The following CEP112 variants were observed in gnomAD, a reference collection of about 807,000 sequenced individuals.
CEP112 encodes centrosomal protein 112, also known as centrosomal protein of 112 kDa.
Under a neutral mutation model 153.0 loss-of-function variants are expected in CEP112, and 127 were observed. The ratio of observed to expected loss-of-function variants is 0.83; its 90% CI spans 0.72 to 0.96. CEP112 has a LOEUF of 0.96. CEP112 is among the 40% of genes least tolerant of loss of function. The pLI, the probability that CEP112 is intolerant of heterozygous loss-of-function variation, is 0.00. For synonymous variants in CEP112, 358 were observed against 374.4 expected (o/e 0.96, Z 0.51); for missense variants, 1,089 against 1,101.2 (o/e 0.99, Z 0.16).
rs182447651 is a variant in CEP112 at position 65,807,135 on chromosome 17, T to C, written c.2394+44669A>G. On this transcript the variant is annotated intron_variant, in intron 21 of 26. Coordinates refer to ENST00000535342, the MANE Select transcript of CEP112 (RefSeq NM_001199165.4). The stretch of plus-strand genomic sequence containing the variant: ...TGGGAAGTGGAGTAAAAGTCATTCT[T>C]GCTATGCTTTAGCAAAGAGACAGGC... Among the ~76,000 whole-genome samples the C allele has an allele frequency of 8.9e-4, 136 of 152,300 alleles. 1 individual carries two copies. Among genetic ancestry groups the C allele is most frequent in the African/African-American group, 3.2e-3 (134 of 41,580 alleles).
At chr17:65,928,720 C>T (rs1320510547) in intron 18 of CEP112, among the ~76,000 whole-genome samples, 2 of 151,934 alleles carry the variant, frequency 1.3e-5, no homozygotes, top group Admixed American at 1.3e-4. Flanking sequence ...AAAAATTAGC[C>T]GAGCGTGGTG....
chr17:65,647,649 T>A (rs1265931973), intron 24 of CEP112, among the ~76,000 whole-genome samples: 1 of 151,542 alleles, frequency 6.6e-6, no homozygotes, highest in Admixed American at 6.6e-5. Flanking sequence ...GCTAATTTTT[T>A]TTTTTTTTTT....
At chr17:66,043,072 T>C (rs199536673) in intron 12 of CEP112, 2 of 980,962 alleles carry the variant, frequency 2.0e-6, no homozygotes, top group African/African-American at 3.5e-5. Flanking sequence ...TTGGCACTCT[T>C]TAAGGTAAAG....
intron 6 of CEP112, among the ~76,000 whole-genome samples, chr17:66,127,039 C>T (rs930856889): frequency 1.3e-4 from 19 of 151,976 alleles, no homozygotes; most frequent in African/African-American, 4.1e-4. Flanking sequence ...CTGATTAATG[C>T]CTATATGGTA....
chr17:65,677,597 C>A (rs776377368), intron 24 of CEP112, among the ~76,000 whole-genome samples: 1 of 152,124 alleles, frequency 6.6e-6, no homozygotes, highest in Non-Finnish European at 1.5e-5. Context: ...TTTAAACTGA[C>A]GTACATCTGG....
intron 20 of CEP112, among the ~76,000 whole-genome samples, chr17:65,888,252 A>G (rs553359473): frequency 6.6e-6 from 1 of 152,308 alleles, no homozygotes; most frequent in East Asian, 1.9e-4. Flanking sequence ...TCCCTTTGCT[A>G]TGAAGACTCC....
chr17:65,694,747 G>A (rs1166482787), intron 23 of CEP112, among the ~76,000 whole-genome samples: 1 of 152,152 alleles, frequency 6.6e-6, no homozygotes, highest in African/African-American at 2.4e-5. Context: ...TAAGGACTAT[G>A]TGAAAATGAC....
intron 4 of CEP112, among the ~76,000 whole-genome samples, chr17:66,140,073 T>A (rs1072788): frequency 6.6e-6 from 1 of 152,080 alleles, no homozygotes; most frequent in Non-Finnish European, 1.5e-5. Context: ...AAAAGAATCA[T>A]ACACCATAAT....
chr17:65,740,146 C>T (rs1015107898), intron 23 of CEP112, among the ~76,000 whole-genome samples: 2 of 152,078 alleles, frequency 1.3e-5, no homozygotes, highest in African/African-American at 2.4e-5. Flanking sequence ...TGAAAAATAT[C>T]ATGTGAACAT....
intron 20 of CEP112, among the ~76,000 whole-genome samples, chr17:65,900,495 A>G (rs909148656): frequency 4.6e-5 from 7 of 152,134 alleles, no homozygotes; most frequent in Non-Finnish European, 7.4e-5. Flanking sequence ...CGCACCCTAT[A>G]TGGCAGACAC....
At chr17:65,747,072 A>AC (rs768745232) in intron 22 of CEP112, among the ~76,000 whole-genome samples, 1 of 150,860 alleles carries the variant, frequency 6.6e-6, no homozygotes, top group African/African-American at 2.5e-5. Flanking sequence ...TAAAAAAAAA[A>AC]CAAAAACAGG....
At chr17:65,946,752 T>C (rs1330899489) in intron 18 of CEP112, among the ~76,000 whole-genome samples, 1 of 152,174 alleles carries the variant, frequency 6.6e-6, no homozygotes, top group Non-Finnish European at 1.5e-5. Flanking sequence ...ATTTTGATTT[T>C]TATAATTATG....
intron 12 of CEP112, among the ~76,000 whole-genome samples, chr17:66,048,884 C>T (rs142863099): frequency 9.9e-5 from 15 of 152,280 alleles, no homozygotes; most frequent in African/African-American, 3.6e-4. Flanking sequence ...ATTGGGATTA[C>T]AGGGGAGAGC....
chr17:66,021,003 T>C (rs2064978988), intron 16 of CEP112, among the ~76,000 whole-genome samples: 1 of 152,062 alleles, frequency 6.6e-6, no homozygotes. Flanking sequence ...GAAGCTCCAA[T>C]ATAGGAGAGG....
At chr17:65,985,130 G>T (rs1444812460) in intron 17 of CEP112, among the ~76,000 whole-genome samples, 2 of 152,102 alleles carry the variant, frequency 1.3e-5, no homozygotes, top group South Asian at 4.1e-4. Context: ...AGAGAGAGAA[G>T]CCGCAGTTGA....
At position 65,765,668 on chromosome 17, in the gene CEP112, C is replaced by T. The variant is rs147491516; in HGVS notation, c.2395-14944G>A. Reference sequence around the variant, plus strand: ...CCAAGAGCCTGTGCTACTGTGAACTCTCACAATATGTTGCTGCCACTGATT... The same window carrying T: ...CCAAGAGCCTGTGCTACTGTGAACTTTCACAATATGTTGCTGCCACTGATT... On this transcript the variant is annotated intron_variant, in intron 21 of 26. Coordinates refer to ENST00000535342, the MANE Select transcript of CEP112 (RefSeq NM_001199165.4). Among the ~76,000 whole-genome samples the T allele has an allele frequency of 3.9e-5, 6 of 152,132 alleles. No homozygotes were observed. The East Asian group carries it at 1.2e-3, about 29-fold the overall frequency.
chr17:66,123,984 G>A (rs143602399), intron 6 of CEP112, among the ~76,000 whole-genome samples: 117 of 152,286 alleles, frequency 7.7e-4, no homozygotes, highest in Middle Eastern at 3.4e-3. Flanking sequence ...ATTCAGATCA[G>A]TCTGCGAATT....
At chr17:66,098,341 T>A (rs1286792794) in intron 6 of CEP112, among the ~76,000 whole-genome samples, 3 of 152,212 alleles carry the variant, frequency 2.0e-5, no homozygotes, top group African/African-American at 7.2e-5. Flanking sequence ...TCTTTTAACA[T>A]CCTGGAGTGT....
intron 12 of CEP112, among the ~76,000 whole-genome samples, chr17:66,030,583 C>T (rs1443805800): frequency 6.6e-6 from 1 of 151,888 alleles, no homozygotes; most frequent in Non-Finnish European, 1.5e-5. Context: ...CATTTTTTAA[C>T]ATCTTTGCCG....
Sources: allele counts gnomAD v4.1 joint callset (sites outside exome capture counted in the v4.1 genomes callset), GRCh38; gene constraint gnomAD v4.1.1; transcripts MANE v1.5; gene names NCBI Gene and HGNC (gene_info 2026-07-23, HGNC 2026-07-21).